The following RELN variants were observed in gnomAD, a reference collection of about 807,000 sequenced individuals.
The protein encoded by RELN is reelin.
RELN carries 108 observed loss-of-function variants against 427.6 expected under a neutral mutation model. The ratio of observed to expected loss-of-function variants is 0.25; its 90% CI spans 0.22 to 0.30. The LOEUF (loss-of-function observed/expected upper bound fraction) is 0.30. RELN is among the 10% of genes least tolerant of loss of function. RELN has a pLI of 1.00. For synonymous variants in RELN, 1,524 were observed against 1,513.4 expected, an observed-to-expected ratio of 1.01 and a Z score of -0.16; for missense variants, 3,715 against 4,302.8, an observed-to-expected ratio of 0.86 and a Z score of 3.82.
At chr7:103,940,040 T>C (rs1174846383) in intron 1 of RELN, among the ~76,000 whole-genome samples, 1 of 152,222 alleles carries the variant, frequency 6.6e-6, no homozygotes, top group African/African-American at 2.4e-5. Context: ...ATATCCATGA[T>C]ATACATTAAG....
At chr7:103,810,736 GAATA>G (rs982668889) in intron 3 of RELN, among the ~76,000 whole-genome samples, 1 of 152,082 alleles carries the variant, frequency 6.6e-6, no homozygotes, top group Admixed American at 6.5e-5. Context: ...TTTGTTCAAA[GAATA>G]AATACTGGTC....
chr7:103,636,494 T>A (rs1724045266), intron 17 of RELN, 26 bp from the exon 18 acceptor site: 2 of 1,463,366 alleles, frequency 1.4e-6, no homozygotes, highest in African/African-American at 2.8e-5. Context: ...TGAAATTAAA[T>A]CTTAAACTGT....
At chr7:103,728,019 T>C (rs1790256707) in intron 7 of RELN, 92 bp downstream of exon 7, 1 of 1,169,814 alleles carries the variant, frequency 8.5e-7, no homozygotes, top group South Asian at 1.3e-5. Context: ...TGAATTTTCA[T>C]CTGAACTTTA....
At chr7:103,793,072 T>C (rs1000765812) in intron 3 of RELN, among the ~76,000 whole-genome samples, 21 of 152,178 alleles carry the variant, frequency 1.4e-4, no homozygotes, top group East Asian at 1.9e-4. Context: ...AAGCCTCAAA[T>C]TGCAACCAAA....
chr7:103,790,356 T>C (rs903039965), intron 3 of RELN, among the ~76,000 whole-genome samples: 1 of 152,148 alleles, frequency 6.6e-6, no homozygotes, highest in Non-Finnish European at 1.5e-5. Flanking sequence ...TTCCACTGGA[T>C]AGCTATATCA....
At chr7:103,531,896 C>G (rs1393372461) in intron 46 of RELN, among the ~76,000 whole-genome samples, 1 of 152,160 alleles carries the variant, frequency 6.6e-6, no homozygotes, top group East Asian at 1.9e-4. Context: ...GGCATTTCCT[C>G]AAAGACCTAG....
intron 3 of RELN, among the ~76,000 whole-genome samples, chr7:103,811,967 A>G (rs932624119): frequency 1.3e-5 from 2 of 152,216 alleles, no homozygotes; most frequent in African/African-American, 2.4e-5. Flanking sequence ...CATTTCTATA[A>G]AGAATAAGCT....
chr7:103,566,470 T>A, intron 32 of RELN, 58 bp from the exon 33 acceptor site: 1 of 1,587,310 alleles, frequency 6.3e-7, no homozygotes, highest in Non-Finnish European at 8.7e-7. Context: ...AATATGAATA[T>A]CTTCATGACT....
At chr7:103,742,156 G>T (rs1447638801) in intron 6 of RELN, among the ~76,000 whole-genome samples, 1 of 152,164 alleles carries the variant, frequency 6.6e-6, no homozygotes, top group Non-Finnish European at 1.5e-5. Flanking sequence ...AGGCAAACAG[G>T]GTCTGGAGTG....
At chr7:103,672,255 T>C (rs528511938) in intron 11 of RELN, among the ~76,000 whole-genome samples, 2 of 152,234 alleles carry the variant, frequency 1.3e-5, no homozygotes, top group South Asian at 4.1e-4. Context: ...GGAACAAGGA[T>C]AGGGAGTCAG....
At chr7:103,836,887 CA>C (rs1186850240) in intron 2 of RELN, among the ~76,000 whole-genome samples, 1 of 152,212 alleles carries the variant, frequency 6.6e-6, no homozygotes, top group Admixed American at 6.5e-5. Context: ...CTTAAAAGCA[CA>C]AAGCAGGTCT....
intron 3 of RELN, among the ~76,000 whole-genome samples, chr7:103,810,677 A>G (rs1792720044): frequency 6.6e-6 from 1 of 152,152 alleles, no homozygotes; most frequent in South Asian, 2.1e-4. Context: ...AAAAACAAAA[A>G]CAAAAAACCT....
At position 103,755,712 on chromosome 7, in the gene RELN, A is replaced by T. The variant is rs1055154212; in HGVS notation, c.545-2498T>A. Among the ~76,000 whole-genome samples the T allele has an allele frequency of 2.3e-5, 3 of 130,662 alleles. No homozygotes were observed. In the Admixed American group the frequency reaches 2.4e-4, roughly 10 times the overall value. 85.7% of individuals were successfully genotyped at this position (130,662 alleles called of 152,430 possible). A position where few individuals can be genotyped will look rare whatever the true frequency, so the allele number is the denominator to read the frequency against. On this transcript the variant is annotated intron_variant, in intron 4 of 64. Coordinates refer to ENST00000428762, the MANE Select transcript of RELN (RefSeq NM_005045.4). ...GTGCCTGTAGTCCCAGCTACTCAGG[A>T]GGCTGAGGCAGGAGAATGGCGTGAA... is the stretch of plus-strand genomic sequence containing the variant.
chr7:103,699,279 G>A (rs974508028), intron 9 of RELN, among the ~76,000 whole-genome samples: 3 of 152,080 alleles, frequency 2.0e-5, no homozygotes, highest in African/African-American at 7.2e-5. Context: ...ATATATATCC[G>A]TAAAATTGTC....
At chr7:103,847,959 AAAAGAC>A (rs141912206) in intron 2 of RELN, among the ~76,000 whole-genome samples, 21,293 of 152,116 alleles carry the variant, frequency 0.14, 1,656 homozygotes, top group East Asian at 0.29. Flanking sequence ...CAAAGAAAAG[AAAAGAC>A]AAAGAATAAA....
intron 64 of RELN, chr7:103,476,782 C>T: frequency 3.0e-6 from 1 of 338,116 alleles, no homozygotes; most frequent in Non-Finnish European, 6.2e-6. Flanking sequence ...CTTATATTTA[C>T]TCATTTTTTG....
chr7:103,593,995 A>G (rs1831480828), intron 26 of RELN, 113 bp from the exon 27 acceptor site: 2 of 827,340 alleles, frequency 2.4e-6, no homozygotes, highest in Non-Finnish European at 3.8e-6. Context: ...TTCTAGGAAA[A>G]CACAGAAGAA....
intron 64 of RELN, among the ~76,000 whole-genome samples, chr7:103,475,547 A>G (rs1828006016): frequency 2.0e-5 from 3 of 152,244 alleles, no homozygotes; most frequent in Admixed American, 2.0e-4. Context: ...AGAATTTAAA[A>G]TAGTTAAAAT....
intron 20 of RELN, among the ~76,000 whole-genome samples, chr7:103,615,530 G>A (rs1368108886): frequency 6.6e-6 from 1 of 152,146 alleles, no homozygotes; most frequent in Admixed American, 6.5e-5. Context: ...TTTGGACATC[G>A]TGATTTTCTA....
Sources: gnomAD v4.1 joint callset for allele counts (sites outside exome capture counted in the v4.1 genomes callset) on GRCh38, gnomAD v4.1.1 for gene constraint, MANE v1.5 for transcripts, NCBI Gene and HGNC (gene_info 2026-07-23, HGNC 2026-07-21) for gene names.